The following EHBP1 variants were observed in gnomAD, a reference collection of about 807,000 sequenced individuals.
The protein encoded by EHBP1 is EH domain-binding protein 1.
In EHBP1, 55 loss-of-function variants were observed where a neutral mutation model predicts 144.0. The observed-to-expected ratio is 0.38, with a 90% CI of 0.31 to 0.48. The LOEUF is 0.48. Ranked by LOEUF, EHBP1 falls within the 20% of genes least tolerant of loss-of-function variation. EHBP1 has a pLI of 0.98. For synonymous variants in EHBP1, 469 were observed against 472.7 expected (o/e 0.99, Z 0.10); for missense variants, 1,200 against 1,364.2 (o/e 0.88, Z 1.90).
At chr2:62,981,919 G>C (rs1166572442) in intron 15 of EHBP1, among the ~76,000 whole-genome samples, 1 of 152,126 alleles carries the variant, frequency 6.6e-6, no homozygotes, top group African/African-American at 2.4e-5. Flanking sequence ...TTTCCCCATA[G>C]GACACAGCAT....
At chr2:62,922,158 G>C (rs2055143822) in intron 10 of EHBP1, among the ~76,000 whole-genome samples, 1 of 152,152 alleles carries the variant, frequency 6.6e-6, no homozygotes, top group East Asian at 1.9e-4. Context: ...CTGAGCGACA[G>C]AGCAAGACTC....
chr2:62,697,407 G>A (rs1180088642), intron 1 of EHBP1, among the ~76,000 whole-genome samples: 3 of 152,230 alleles, frequency 2.0e-5, no homozygotes, highest in African/African-American at 4.8e-5. Context: ...AGAGCTGGAA[G>A]TACAATAATA....
intron 5 of EHBP1, among the ~76,000 whole-genome samples, chr2:62,799,881 A>G (rs1365733108): frequency 2.6e-5 from 4 of 152,220 alleles, no homozygotes; most frequent in Non-Finnish European, 5.9e-5. Context: ...ATAAGCTGCT[A>G]GAATACCTAC....
At chr2:62,962,262 G>A (rs1026683796) in intron 14 of EHBP1, among the ~76,000 whole-genome samples, 5 of 152,140 alleles carry the variant, frequency 3.3e-5, no homozygotes, top group Admixed American at 2.6e-4. Context: ...GGAGGCAGAG[G>A]TTGCAGTGAG....
chr2:62,858,599 G>C, intron 7 of EHBP1: 2 of 819,066 alleles, frequency 2.4e-6, no homozygotes, highest in Non-Finnish European at 4.0e-6. Flanking sequence ...GTATTTATCT[G>C]TCAGTTTTGT....
chr2:62,782,808 C>T (rs1418896537), intron 5 of EHBP1, among the ~76,000 whole-genome samples: 4 of 152,148 alleles, frequency 2.6e-5, no homozygotes, highest in African/African-American at 4.8e-5. Context: ...CATTCAGTCC[C>T]TGGCCCCTCC....
chr2:62,731,061 C>G (rs962950768), intron 2 of EHBP1, among the ~76,000 whole-genome samples: 1 of 151,278 alleles, frequency 6.6e-6, no homozygotes, highest in African/African-American at 2.4e-5. Context: ...ACAGATATCT[C>G]TCAATTTATT....
rs148352275 is a variant in EHBP1, at chr2:63,042,327, A to C, written c.3278-2739A>C. The stretch of plus-strand genomic sequence containing the variant: ...ATATGTATATGTATACATATGTATG[A>C]GTTTGTGTACATATATATTATATAA... On this transcript the variant is annotated intron_variant, in intron 21 of 22. Coordinates refer to ENST00000431489, the MANE Select transcript of EHBP1 (RefSeq NM_001142616.3). 2.4e-3 allele frequency among the ~76,000 whole-genome samples: 362 copies of C among 152,228 alleles called. 1 individual carries two copies. Among genetic ancestry groups the C allele is most frequent in the Non-Finnish European group, 3.5e-3 (240 of 67,966 alleles).
At chr2:62,890,165 A>C (rs1359475825) in intron 10 of EHBP1, among the ~76,000 whole-genome samples, 2 of 151,742 alleles carry the variant, frequency 1.3e-5, no homozygotes, top group African/African-American at 4.8e-5. Flanking sequence ...CTCGATCTCC[A>C]GACCTTGTGA....
chr2:62,871,721 A>C (rs2050504176), intron 9 of EHBP1, among the ~76,000 whole-genome samples: 1 of 152,184 alleles, frequency 6.6e-6, no homozygotes, highest in Non-Finnish European at 1.5e-5. Context: ...ACAAATAAAT[A>C]GTACTGAATC....
chr2:62,879,166 A>G (rs2051150779), intron 10 of EHBP1, among the ~76,000 whole-genome samples: 1 of 152,214 alleles, frequency 6.6e-6, no homozygotes, highest in Non-Finnish European at 1.5e-5. Flanking sequence ...CGTCTATGAC[A>G]GTTCTGCAGT....
intron 10 of EHBP1, among the ~76,000 whole-genome samples, chr2:62,876,485 A>G (rs1423427791): frequency 6.6e-6 from 1 of 152,232 alleles, no homozygotes; most frequent in Non-Finnish European, 1.5e-5. Flanking sequence ...AGGGAGTGCT[A>G]AACATAGAAA....
chr2:62,765,524 G>C (rs1354894377), intron 4 of EHBP1, among the ~76,000 whole-genome samples: 1 of 152,080 alleles, frequency 6.6e-6, no homozygotes, highest in Non-Finnish European at 1.5e-5. Flanking sequence ...AATTAACAAA[G>C]TGGGTAAAAG....
rs761610016 is a variant in EHBP1 at position 63,046,384 on chromosome 2, T to G, written c.*884T>G. On this transcript the variant is annotated 3_prime_UTR_variant, in exon 23 of 23. Transcript: ENST00000431489. ...AATCCCCCATTTAATATTTTCTTCT[T>G]TAGCATAGCACTGTCATTTTTTGTG... The G allele has an allele frequency of 7.2e-5, 11 of 152,784 alleles. No homozygotes were observed. The highest frequency in any genetic ancestry group is 1.5e-4 in the Non-Finnish European group (10 of 68,042). 9.5% of individuals were successfully genotyped at this position (152,784 alleles called of 1,614,324 possible). A position where few individuals can be genotyped will look rare whatever the true frequency, so the allele number is the denominator to read the frequency against.
At chr2:62,939,579 CATT>C (rs1203637813) in intron 10 of EHBP1, among the ~76,000 whole-genome samples, 3 of 151,950 alleles carry the variant, frequency 2.0e-5, no homozygotes, top group Admixed American at 6.6e-5. Context: ...GGCCAAATTG[CATT>C]ATTAAGTAGG....
intron 14 of EHBP1, among the ~76,000 whole-genome samples, chr2:62,957,656 T>C (rs1260868659): frequency 2.2e-5 from 3 of 134,730 alleles, no homozygotes; most frequent in Non-Finnish European, 4.7e-5. Flanking sequence ...TTTTTTTTTT[T>C]TTTTTTTGAG....
intron 5 of EHBP1, among the ~76,000 whole-genome samples, chr2:62,776,551 C>T (rs112768935): frequency 0.021 from 3,239 of 152,260 alleles, 84 homozygotes; most frequent in African/African-American, 0.065. Flanking sequence ...TTCCTTTCTA[C>T]CACTTACACC....
chr2:62,956,681 A>G (rs1213267651), intron 14 of EHBP1, among the ~76,000 whole-genome samples: 2 of 125,388 alleles, frequency 1.6e-5, no homozygotes, highest in Non-Finnish European at 3.3e-5. Context: ...CCCCATCTCT[A>G]CTTACAGAAA....
rs757656048 is a variant in EHBP1, at chr2:62,948,806, C to T, written c.1960C>T (p.Leu654=). Residue 654 remains leucine, a synonymous_variant, in exon 13 of 23, where the codon CTA becomes TTA. Transcript: ENST00000431489. ...ACAGGTTTTGTTAGGCAAAAAGAGA[C>T]TATTGAAAGCTGAGACTTTAGAATT... ...QAQVLLGKKR[L]LKAETLELSD... 6.7e-5 allele frequency: 108 copies of T among 1,613,972 alleles called. No homozygotes were observed. In the Middle Eastern group the frequency reaches 1.3e-3, roughly 20 times the overall value.
Sources: allele counts gnomAD v4.1 joint callset (sites outside exome capture counted in the v4.1 genomes callset), GRCh38; gene constraint gnomAD v4.1.1; transcripts MANE v1.5; gene names NCBI Gene and HGNC (gene_info 2026-07-23, HGNC 2026-07-21).